The following ASXL2 variants were observed in gnomAD, a reference collection of about 807,000 sequenced individuals.
ASXL2 encodes the protein putative Polycomb group protein ASXL2.
Under a neutral mutation model 122.0 loss-of-function variants are expected in ASXL2, and 23 were observed. The ratio of observed to expected loss-of-function variants is 0.19; its 90% CI spans 0.14 to 0.27. The LOEUF (loss-of-function observed/expected upper bound fraction) is 0.27. Ranked by LOEUF, ASXL2 falls within the 10% of genes least tolerant of loss-of-function variation. The probability of loss-of-function intolerance (pLI) is 1.00; values close to 1 mark genes in which losing one functional copy is unlikely to be tolerated. For missense variants in ASXL2, 1,518 were observed against 1,713.8 expected (o/e 0.89, Z 2.02); for synonymous variants, 650 against 637.0 (o/e 1.02, Z -0.31).
At chr2:25,830,422 A>G (rs2089436218) in intron 3 of ASXL2, among the ~76,000 whole-genome samples, 1 of 152,188 alleles carries the variant, frequency 6.6e-6, no homozygotes. Flanking sequence ...ACCTGAGGTC[A>G]GGAGTTTGAG....
chr2:25,811,755 T>C (rs1375831617), intron 3 of ASXL2, among the ~76,000 whole-genome samples: 2 of 152,156 alleles, frequency 1.3e-5, no homozygotes, highest in African/African-American at 4.8e-5. Flanking sequence ...TATTTGTATT[T>C]ATTTATATTT....
rs2090028320 is a variant in ASXL2, at chr2:25,878,364, A to C, written c.-142T>G. The C allele has an allele frequency of 2.6e-5, 16 of 619,156 alleles. No homozygotes were observed. Among genetic ancestry groups the C allele is most frequent in the East Asian group, 3.5e-5 (1 of 28,404 alleles). The allele number at this position is 619,156 out of a possible 1,614,324, so 38.4% of individuals were successfully genotyped here. A position where few individuals can be genotyped will look rare whatever the true frequency, so the allele number is the denominator to read the frequency against. ...TCAGACCGGGGGGGCACCCAAGCAG[A>C]GGAAGCGGCGGGGGTGGTGCGCGGG... On this transcript the variant is annotated 5_prime_UTR_variant, in exon 1 of 13. Coordinates refer to ENST00000435504, the MANE Select transcript of ASXL2 (RefSeq NM_018263.6).
intron 6 of ASXL2, among the ~76,000 whole-genome samples, chr2:25,770,133 G>C (rs2149154337): frequency 6.6e-6 from 1 of 152,206 alleles, no homozygotes; most frequent in East Asian, 1.9e-4. Context: ...TGTAATTTCA[G>C]GTTAACGTAA....
chr2:25,876,381 A>C (rs1418669340), intron 1 of ASXL2, among the ~76,000 whole-genome samples: 1 of 152,222 alleles, frequency 6.6e-6, no homozygotes, highest in Non-Finnish European at 1.5e-5. Flanking sequence ...AATTCAAAAA[A>C]CACTCCTAAG....
chr2:25,845,981 G>A (rs1046930736), intron 1 of ASXL2, among the ~76,000 whole-genome samples: 2 of 152,190 alleles, frequency 1.3e-5, no homozygotes, highest in Non-Finnish European at 2.9e-5. Flanking sequence ...TGAGGACTCC[G>A]AAAATGGTAG....
chr2:25,805,552 AGAAT>A (rs1385602106), intron 4 of ASXL2, among the ~76,000 whole-genome samples: 2 of 152,122 alleles, frequency 1.3e-5, no homozygotes, highest in African/African-American at 4.8e-5. Context: ...ATTGTGAGAG[AGAAT>A]GAAATGAGAA....
Position 25,753,539 on chromosome 2 carries a change from C to T in ASXL2, c.1137G>A (p.Gly379=). The change falls in exon 11 of 13, where the codon GGG becomes GGA. Residue 379 remains glycine (G), a synonymous_variant. Coordinates refer to ENST00000435504, the MANE Select transcript of ASXL2 (RefSeq NM_018263.6). ...AGAACCTGTCCTAATATTACCTCTG[C>T]CCATAGTAGCTTTCAAAGAATTGTT... ...WKEQFFESYY[G]QSSGLSLEDS... 8 of 1,612,448 alleles carry T rather than the reference C, an allele frequency of 5.0e-6. No individual in the cohort carries two copies. The highest frequency in any genetic ancestry group is 6.8e-6 in the Non-Finnish European group (8 of 1,178,870).
intron 4 of ASXL2, among the ~76,000 whole-genome samples, chr2:25,801,651 C>T (rs1465022475): frequency 6.6e-6 from 1 of 152,150 alleles, no homozygotes; most frequent in East Asian, 1.9e-4. Flanking sequence ...GTGATCCGTA[C>T]AGGATCAACT....
intron 1 of ASXL2, among the ~76,000 whole-genome samples, chr2:25,848,088 G>A (rs1343162213): frequency 2.0e-5 from 3 of 152,090 alleles, no homozygotes. Context: ...ATCTGTCCAA[G>A]GAGCCAGAAA....
At chr2:25,787,041 C>T (rs2088759774) in intron 5 of ASXL2, among the ~76,000 whole-genome samples, 1 of 150,534 alleles carries the variant, frequency 6.6e-6, no homozygotes, top group Non-Finnish European at 1.5e-5. Context: ...TATAAGTAGA[C>T]AATCATAAAA....
intron 4 of ASXL2, among the ~76,000 whole-genome samples, chr2:25,804,311 G>A (rs989275091): frequency 3.3e-5 from 5 of 152,190 alleles, no homozygotes; most frequent in Non-Finnish European, 7.3e-5. Flanking sequence ...TTCCTTTGGG[G>A]AAAACTCTCT....
chr2:25,761,293 T>C (rs936908991), intron 8 of ASXL2, among the ~76,000 whole-genome samples: 2 of 152,078 alleles, frequency 1.3e-5, no homozygotes, highest in Non-Finnish European at 2.9e-5. Context: ...AAGAAATCCA[T>C]GCATAGACCC....
At chr2:25,804,707 A>G (rs2089053981) in intron 4 of ASXL2, among the ~76,000 whole-genome samples, 1 of 152,224 alleles carries the variant, frequency 6.6e-6, no homozygotes, top group African/African-American at 2.4e-5. Context: ...TCGTAAGTGA[A>G]AAGTTATTGA....
At chr2:25,863,049 G>A (rs1373510864) in intron 1 of ASXL2, among the ~76,000 whole-genome samples, 1 of 152,146 alleles carries the variant, frequency 6.6e-6, no homozygotes, top group Non-Finnish European at 1.5e-5. Context: ...GCAGCTCACA[G>A]CCGGGCACAG....
chr2:25,733,833 A>C lies in ASXL2; in HGVS notation c.*8196T>G, dbSNP rs562368976. 14 of 152,220 alleles carry C rather than the reference A, an allele frequency of 9.2e-5. No homozygotes were observed. The highest frequency in any genetic ancestry group is 1.8e-4 in the Non-Finnish European group (12 of 68,030). 9.4% of individuals were successfully genotyped at this position (152,220 alleles called of 1,614,324 possible). A position where few individuals can be genotyped will look rare whatever the true frequency, so the allele number is the denominator to read the frequency against. On this transcript the variant is annotated 3_prime_UTR_variant, in exon 13 of 13. Coordinates refer to ENST00000435504, the MANE Select transcript of ASXL2 (RefSeq NM_018263.6). ...TGTCTATGTGCAGAAACATACATTC[A>C]ACTTCGAAGAAGGTTGTTTTTATAC...
rs1413476740 is a variant in ASXL2 at position 25,743,076 on chromosome 2, C to G, written c.3261G>C (p.Gln1087His). 3.7e-6 allele frequency: 6 copies of G among 1,613,916 alleles called. No individual in the cohort carries two copies. In the African/African-American group the frequency reaches 8.0e-5, roughly 22 times the overall value. Residue 1087 changes from glutamine to histidine, a missense_variant, in exon 13 of 13, where the codon CAG becomes CAC. Around this residue, in one of 8 missense-constraint regions of ASXL2, gnomAD observed 831 missense variants for 833.1 expected, o/e 1.00. Coordinates refer to ENST00000435504, the MANE Select transcript of ASXL2 (RefSeq NM_018263.6). ...QNLLSVVPPSQFNFAHSGFQL... is the reference protein window; with the variant it reads ...QNLLSVVPPSHFNFAHSGFQL... ...GGAAACCTGAGTGAGCGAAGTTGAA[C>G]TGTGAGGGCGGCACAACTGAGAGAA...
intron 1 of ASXL2, among the ~76,000 whole-genome samples, chr2:25,869,299 C>T (rs940839906): frequency 4.6e-5 from 7 of 151,902 alleles, no homozygotes; most frequent in Non-Finnish European, 1.0e-4. Flanking sequence ...CACTGTACTC[C>T]AGCCTGGGCA....
intron 3 of ASXL2, among the ~76,000 whole-genome samples, chr2:25,828,838 A>AAAC (rs2089412292): frequency 6.6e-6 from 1 of 151,320 alleles, no homozygotes; most frequent in African/African-American, 2.4e-5. Flanking sequence ...AAAAAAAAAA[A>AAAC]AAAAAAAAAA....
At chr2:25,825,919 A>C (rs2089369180) in intron 3 of ASXL2, among the ~76,000 whole-genome samples, 1 of 152,216 alleles carries the variant, frequency 6.6e-6, no homozygotes, top group Non-Finnish European at 1.5e-5. Flanking sequence ...AAAATCAGAT[A>C]AGATATCGGT....
Sources: allele counts gnomAD v4.1 joint callset (sites outside exome capture counted in the v4.1 genomes callset), GRCh38; gene constraint gnomAD v4.1.1; regional missense constraint gnomAD v4.1.1; transcripts MANE v1.5; gene names NCBI Gene and HGNC (gene_info 2026-07-23, HGNC 2026-07-21).